Variants in CSMD1 observed in about 807,000 individuals in gnomAD.
CSMD1 encodes the protein CUB and Sushi multiple domains 1.
CSMD1 carries 213 observed loss-of-function variants against 417.5 expected under a neutral mutation model. The observed-to-expected ratio is 0.51, with a 90% CI of 0.46 to 0.57. The LOEUF is 0.57. Among genes scored for constraint, CSMD1 ranks in the 20% least tolerant of loss-of-function variants. The pLI, the probability that CSMD1 is intolerant of heterozygous loss-of-function variation, is 0.00. For missense variants in CSMD1, 6,923 were observed against 4,529.7 expected, an observed-to-expected ratio of 1.53 and a Z score of -15.17; for synonymous variants, 2,862 against 1,736.8, an observed-to-expected ratio of 1.65 and a Z score of -16.11.
In CSMD1 at chr8:3,933,042, A is replaced by C. The variant is rs1400907975; in HGVS notation, c.818+64861T>G. ...AGTGAAATGTATGATAAAAAAAAAA[A>C]ACTGCTTGTGGCAAATTATCTCATT... On this transcript the variant is annotated intron_variant, in intron 5 of 69. Coordinates refer to ENST00000635120, the MANE Select transcript of CSMD1 (RefSeq NM_033225.6). 3.6e-5 allele frequency among the ~76,000 whole-genome samples: 5 copies of C among 140,070 alleles called. 1 individual carries two copies. The highest frequency in any genetic ancestry group is 6.2e-5 in the Non-Finnish European group (4 of 64,618). 91.9% of individuals were successfully genotyped at this position (140,070 alleles called of 152,430 possible).
intron 8 of CSMD1, among the ~76,000 whole-genome samples, chr8:3,600,836 T>A (rs1037386124): frequency 6.6e-6 from 1 of 152,120 alleles, no homozygotes; most frequent in Non-Finnish European, 1.5e-5. Flanking sequence ...TTCATATGCA[T>A]GTTTTGCAAT....
chr8:3,081,978 T>A (rs1480126808), intron 49 of CSMD1, among the ~76,000 whole-genome samples: 1 of 152,208 alleles, frequency 6.6e-6, no homozygotes, highest in Non-Finnish European at 1.5e-5. Context: ...ATGGTCCTTA[T>A]TTCACTGAGT....
At chr8:3,483,626 T>A (rs1406995561) in intron 11 of CSMD1, among the ~76,000 whole-genome samples, 1 of 152,106 alleles carries the variant, frequency 6.6e-6, no homozygotes, top group East Asian at 1.9e-4. Context: ...GCCATTATAA[T>A]CTTATAATGA....
chr8:3,070,095 G>A (rs970029711), intron 49 of CSMD1, among the ~76,000 whole-genome samples: 2 of 152,196 alleles, frequency 1.3e-5, no homozygotes, highest in African/African-American at 4.8e-5. Context: ...GGATTCACAG[G>A]GCCGTAGGGC....
chr8:4,975,029 G>C (rs1402446671), intron 1 of CSMD1, among the ~76,000 whole-genome samples: 2 of 152,118 alleles, frequency 1.3e-5, no homozygotes, highest in Admixed American at 6.5e-5. Flanking sequence ...CTACTAGAAG[G>C]CATTCACATA....
intron 30 of CSMD1, 70 bp downstream of exon 30, chr8:3,214,427 A>G: frequency 7.6e-7 from 1 of 1,321,328 alleles, no homozygotes. Context: ...ATGTGAAACC[A>G]TTTCTTCAAT....
chr8:3,797,903 C>T (rs916112548), intron 5 of CSMD1, among the ~76,000 whole-genome samples: 5 of 151,910 alleles, frequency 3.3e-5, no homozygotes, highest in African/African-American at 1.2e-4. Flanking sequence ...GTTACGCATC[C>T]CTGTCAACAT....
intron 3 of CSMD1, among the ~76,000 whole-genome samples, chr8:4,281,527 C>G (rs1482815835): frequency 2.0e-5 from 3 of 152,206 alleles, no homozygotes; most frequent in African/African-American, 7.2e-5. Context: ...CATTGAAGCT[C>G]ACATTAAAGG....
At chr8:4,385,984 C>T (rs915649977) in intron 3 of CSMD1, among the ~76,000 whole-genome samples, 3 of 150,884 alleles carry the variant, frequency 2.0e-5, no homozygotes, top group Non-Finnish European at 4.5e-5. Context: ...CCTTTAAGTT[C>T]ATTTCCTCTG....
intron 49 of CSMD1, among the ~76,000 whole-genome samples, chr8:3,083,609 T>TA (rs1554507959): frequency 0.21 from 7,171 of 33,592 alleles, 1,370 homozygotes; most frequent in East Asian, 0.29. Flanking sequence ...TACCATAATT[T>TA]TTATATATAT....
chr8:4,096,652 T>C (rs540711211), intron 3 of CSMD1, among the ~76,000 whole-genome samples: 16 of 152,366 alleles, frequency 1.1e-4, no homozygotes, highest in Admixed American at 9.2e-4. Context: ...TACTAAGATA[T>C]TTAGATAAGA....
chr8:3,804,115 A>T (rs1348277829), intron 5 of CSMD1, among the ~76,000 whole-genome samples: 4 of 151,932 alleles, frequency 2.6e-5, no homozygotes, highest in African/African-American at 9.7e-5. Flanking sequence ...TATTTTTAGT[A>T]GAGACAGGGT....
chr8:3,724,195 C>T (rs1802354101), intron 6 of CSMD1, among the ~76,000 whole-genome samples: 1 of 120,310 alleles, frequency 8.3e-6, no homozygotes, highest in African/African-American at 2.7e-5. Context: ...TCTTTTACTA[C>T]TTTTTTTTTT....
At chr8:4,770,471 A>T (rs1032168704) in intron 1 of CSMD1, among the ~76,000 whole-genome samples, 1 of 151,258 alleles carries the variant, frequency 6.6e-6, no homozygotes, top group Admixed American at 6.6e-5. Context: ...AATTTCTAAA[A>T]TGTGTGTGGA....
At chr8:3,880,051 G>T (rs1055328749) in intron 5 of CSMD1, among the ~76,000 whole-genome samples, 13 of 141,486 alleles carry the variant, frequency 9.2e-5, no homozygotes, top group African/African-American at 3.0e-4. Flanking sequence ...GATTATAAAA[G>T]ATTTTCTTTT....
intron 1 of CSMD1, among the ~76,000 whole-genome samples, chr8:4,675,232 C>T (rs866012241): frequency 1.3e-5 from 2 of 152,220 alleles, no homozygotes; most frequent in African/African-American, 2.4e-5. Context: ...TACTTATACA[C>T]CATGCAGTAT....
chr8:4,987,972 C>T (rs530932093), intron 1 of CSMD1, among the ~76,000 whole-genome samples: 2 of 152,338 alleles, frequency 1.3e-5, no homozygotes, highest in Non-Finnish European at 2.9e-5. Flanking sequence ...CCTTGCTCCA[C>T]AGCTTGCTGA....
intron 1 of CSMD1, among the ~76,000 whole-genome samples, chr8:4,830,694 G>A (rs560543897): frequency 4.6e-5 from 7 of 152,334 alleles, no homozygotes; most frequent in Admixed American, 2.0e-4. Flanking sequence ...AATGCCAATG[G>A]CAACACTGTA....
intron 5 of CSMD1, among the ~76,000 whole-genome samples, chr8:3,955,449 T>A (rs1427259814): frequency 6.6e-6 from 1 of 151,992 alleles, no homozygotes; most frequent in African/African-American, 2.4e-5. Context: ...AATGAAAAAA[T>A]GTAGAAATAA....
Sources: gnomAD v4.1 joint callset for allele counts (sites outside exome capture counted in the v4.1 genomes callset) on GRCh38, gnomAD v4.1.1 for gene constraint, MANE v1.5 for transcripts, NCBI Gene and HGNC (gene_info 2026-07-23, HGNC 2026-07-21) for gene names.